Variants in TACC2 observed in about 807,000 individuals in gnomAD.
TACC2 encodes the protein transforming acidic coiled-coil containing protein 2, also known as transforming acidic coiled-coil-containing protein 2.
Under a neutral mutation model 227.3 loss-of-function variants are expected in TACC2, and 137 were observed. The ratio of observed to expected loss-of-function variants is 0.60; its 90% CI spans 0.52 to 0.69. The LOEUF (loss-of-function observed/expected upper bound fraction) is 0.69, where lower values mean the gene tolerates loss of function less well. TACC2 is among the 30% of genes least tolerant of loss of function. TACC2 has a pLI of 0.00. For missense variants in TACC2, 3,470 were observed against 3,694.4 expected (o/e 0.94, Z 1.57); for synonymous variants, 1,523 against 1,487.5 (o/e 1.02, Z -0.55).
rs569504865 is a variant in TACC2 at position 122,254,158 on chromosome 10, G to A, written c.*102G>A. On this transcript the variant is annotated 3_prime_UTR_variant, in exon 23 of 23. Coordinates refer to ENST00000369005, the MANE Select transcript of TACC2 (RefSeq NM_206862.4). The stretch of plus-strand genomic sequence containing the variant: ...GGACAGGTTCTGTTTTCACTTTTTC[G>A]TATGCACTACTGTATTTCCTTTCTA... The A allele has an allele frequency of 7.5e-5, 68 of 904,630 alleles. No homozygotes were observed. The highest frequency in any genetic ancestry group is 1.1e-4 in the Non-Finnish European group (59 of 534,424). The allele number at this position is 904,630 out of a possible 1,614,324, so 56.0% of individuals were successfully genotyped here. A position where few individuals can be genotyped will look rare whatever the true frequency, so the allele number is the denominator to read the frequency against.
At chr10:122,120,592 A>G (rs1174625435) in intron 5 of TACC2, among the ~76,000 whole-genome samples, 1 of 152,084 alleles carries the variant, frequency 6.6e-6, no homozygotes, top group Non-Finnish European at 1.5e-5. Context: ...CTTCGCTGAG[A>G]GAGTCAGAGC....
At chr10:122,022,253 A>G in intron 2 of TACC2, 1 of 453,778 alleles carries the variant, frequency 2.2e-6, no homozygotes, top group Non-Finnish European at 3.9e-6. Context: ...ATTTATTATT[A>G]TTTTTAAAGA....
At chr10:122,143,517 T>A in intron 6 of TACC2, 55 bp from the exon 7 acceptor site, 1 of 1,581,730 alleles carries the variant, frequency 6.3e-7, no homozygotes, top group Non-Finnish European at 8.6e-7. Flanking sequence ...GCCTGATGAA[T>A]GTGCCATTAA....
At chr10:122,120,390 G>A (rs2085500586) in intron 5 of TACC2, among the ~76,000 whole-genome samples, 1 of 152,168 alleles carries the variant, frequency 6.6e-6, no homozygotes, top group Non-Finnish European at 1.5e-5. Flanking sequence ...CTCATTAGGT[G>A]GAAGAGGCAC....
Position 122,085,371 on chromosome 10 carries a change from G to A in TACC2, c.2871G>A (p.Gln957=), listed in dbSNP as rs746493115. 10 of 1,613,906 alleles carry A rather than the reference G, an allele frequency of 6.2e-6. No individual in the cohort carries two copies. The African/African-American group carries it at 1.2e-4, about 19-fold the overall frequency. Residue 957 remains glutamine (Q), a synonymous_variant, in exon 4 of 23, where the codon CAG becomes CAA. Transcript: ENST00000369005. Reference sequence around the variant, plus strand: ...CAGAGGGAGCATGCGGTGATGGTCAGTCCTCGAGGGTCTCGCCTCCAGCAG... The same window carrying A: ...CAGAGGGAGCATGCGGTGATGGTCAATCCTCGAGGGTCTCGCCTCCAGCAG... ...KRPEGACGDG[Q]SSRVSPPAAD...
At position 122,143,596 on chromosome 10, in the gene TACC2, G is replaced by A. The variant is rs565889394; in HGVS notation, c.5724G>A (p.Ala1908=). 10 of 1,613,946 alleles carry A rather than the reference G, an allele frequency of 6.2e-6. No homozygotes were observed. The highest frequency in any genetic ancestry group is 3.3e-5 in the Admixed American group (2 of 60,004). Residue 1908 remains alanine (A), a synonymous_variant, in exon 7 of 23, where the codon GCG becomes GCA. Transcript: ENST00000369005. ...GCATCTCCCCAGCTGCTGCCCATGC[G>A]GGTCTTCCTCCCTCGGCTGCAGAAC... is the stretch of plus-strand genomic sequence containing the variant. ...AQSISPAAAH[A]GLPPSAAEHI...
intron 7 of TACC2, among the ~76,000 whole-genome samples, chr10:122,151,998 G>A (rs2092089035): frequency 6.6e-6 from 1 of 152,216 alleles, no homozygotes; most frequent in South Asian, 2.1e-4. Context: ...CCCAGGGCCT[G>A]GGGCTTGGCA....
At chr10:121,989,825 A>G (rs531331654) in intron 1 of TACC2, among the ~76,000 whole-genome samples, 1 of 151,776 alleles carries the variant, frequency 6.6e-6, no homozygotes, top group Admixed American at 6.6e-5. Flanking sequence ...TGGCATGATC[A>G]TGGCTCACTG....
chr10:122,085,446 A>T lies in TACC2; in HGVS notation c.2946A>T (p.Glu982Asp), dbSNP rs1279848159. ...FSLAGNFSRK[E>D]TCCTGQGPNK... is the part of the protein sequence containing the mutation. ...TTGCAGGGAACTTCAGCAGAAAGGAAACTTGCTGCACTGGGCAGGGGCCAA... is the reference window on the plus strand; with the variant it reads ...TTGCAGGGAACTTCAGCAGAAAGGATACTTGCTGCACTGGGCAGGGGCCAA... The change falls in exon 4 of 23, where the codon GAA becomes GAT. Residue 982 changes from glutamate (E) to aspartate (D), a missense_variant. Glu to Asp is a conservative substitution (Grantham distance 45). Around this residue, in one of 10 missense-constraint regions of TACC2, gnomAD observed 1,924 missense variants for 1,978.3 expected, o/e 0.97. Coordinates refer to ENST00000369005, the MANE Select transcript of TACC2 (RefSeq NM_206862.4). The T allele has an allele frequency of 6.2e-7, 1 of 1,613,824 alleles. No individual in the cohort carries two copies. The highest frequency in any genetic ancestry group is 2.2e-5 in the East Asian group (1 of 44,888).
At chr10:122,191,483 A>G (rs2094408322) in intron 7 of TACC2, among the ~76,000 whole-genome samples, 1 of 152,206 alleles carries the variant, frequency 6.6e-6, no homozygotes, top group Non-Finnish European at 1.5e-5. Flanking sequence ...CCACACATAA[A>G]ATACACTAAC....
rs191003423 is a variant in TACC2, at chr10:122,001,511, A to G, written c.-46+12023A>G. Among the ~76,000 whole-genome samples, 982 of 152,358 alleles carry G rather than the reference A, an allele frequency of 6.4e-3. 9 individuals carry two copies. The highest frequency in any genetic ancestry group is 0.012 in the Admixed American group (188 of 15,308). ...ATGAGAATTATGGGAGCTACAATTC[A>G]AGATGAGATTTGGGTGGCAACAAAG... On this transcript the variant is annotated intron_variant, in intron 1 of 22. Transcript: ENST00000369005.
At chr10:122,058,188 G>A (rs1401016489) in intron 3 of TACC2, among the ~76,000 whole-genome samples, 1 of 152,188 alleles carries the variant, frequency 6.6e-6, no homozygotes, top group Non-Finnish European at 1.5e-5. Context: ...GGTGTAACAT[G>A]TCCATTTGCT....
At chr10:122,135,191 G>A (rs372149853) in intron 6 of TACC2, among the ~76,000 whole-genome samples, 10 of 152,186 alleles carry the variant, frequency 6.6e-5, no homozygotes, top group African/African-American at 2.4e-4. Flanking sequence ...GCCCACCTGT[G>A]TTCTGAAACC....
At chr10:122,046,904 G>T (rs1241020991) in intron 2 of TACC2, among the ~76,000 whole-genome samples, 1 of 152,106 alleles carries the variant, frequency 6.6e-6, no homozygotes, top group African/African-American at 2.4e-5. Flanking sequence ...AAAAATGCAG[G>T]ACCCTGATAT....
intron 5 of TACC2, among the ~76,000 whole-genome samples, chr10:122,124,860 T>C (rs894516685): frequency 2.0e-5 from 3 of 152,228 alleles, no homozygotes; most frequent in South Asian, 4.1e-4. Context: ...TAAATGTATA[T>C]GTACCTATAT....
chr10:122,145,266 G>C (rs76887061), intron 7 of TACC2, among the ~76,000 whole-genome samples: 2,369 of 152,234 alleles, frequency 0.016, 46 homozygotes, highest in East Asian at 0.08. Flanking sequence ...AAACAACCCA[G>C]ATATCTATCC....
At position 122,085,140 on chromosome 10, in the gene TACC2, A is replaced by G. The variant is rs1456461298; in HGVS notation, c.2640A>G (p.Glu880=). 5 of 1,614,040 alleles carry G rather than the reference A, an allele frequency of 3.1e-6. No homozygotes were observed. The African/African-American group carries it at 6.7e-5, about 22-fold the overall frequency. Residue 880 remains glutamate, a synonymous_variant, in exon 4 of 23, where the codon GAA becomes GAG. Coordinates refer to ENST00000369005, the MANE Select transcript of TACC2 (RefSeq NM_206862.4). ...CTTCCCAAATCCATGTACCTGTGGA[A>G]CCTCAGGAAGATAACAACTTGCCCA... is the stretch of plus-strand genomic sequence containing the variant. ...ADSSQIHVPV[E]PQEDNNLPTH...
Position 122,167,721 on chromosome 10 carries a change from T to G in TACC2, c.5834+24015T>G, listed in dbSNP as rs1451002542. ...CTCGCAGGGTTTTTCAGAGGTGAGA[T>G]GCCACATCTGCAAAGACTCTTGAGA... On this transcript the variant is annotated intron_variant, in intron 7 of 22. Coordinates refer to ENST00000369005, the MANE Select transcript of TACC2 (RefSeq NM_206862.4). 2.6e-5 allele frequency among the ~76,000 whole-genome samples: 4 copies of G among 152,254 alleles called. No individual in the cohort carries two copies. In the East Asian group the frequency reaches 7.7e-4, roughly 29 times the overall value.
chr10:122,029,630 A>C (rs1028122403), intron 2 of TACC2, among the ~76,000 whole-genome samples: 3 of 152,172 alleles, frequency 2.0e-5, no homozygotes, highest in African/African-American at 7.2e-5. Flanking sequence ...GGCCAAACGA[A>C]TGTGCCTGCT....
Sources: allele counts gnomAD v4.1 joint callset (sites outside exome capture counted in the v4.1 genomes callset), GRCh38; gene constraint gnomAD v4.1.1; regional missense constraint gnomAD v4.1.1; transcripts MANE v1.5; gene names NCBI Gene and HGNC (gene_info 2026-07-23, HGNC 2026-07-21).